Variants in HDAC4 observed in about 807,000 individuals in gnomAD.
HDAC4 encodes the protein histone deacetylase 4, also known as histone deacetylase A.
In HDAC4, 16 loss-of-function variants were observed where a neutral mutation model predicts 135.1. The ratio of observed to expected loss-of-function variants is 0.12; its 90% CI spans 0.08 to 0.18. The LOEUF is 0.18. Among genes scored for constraint, HDAC4 ranks in the 10% least tolerant of loss-of-function variants. HDAC4 has a pLI of 1.00. For missense variants in HDAC4, 1,143 were observed against 1,511.8 expected, an observed-to-expected ratio of 0.76 and a Z score of 4.05; for synonymous variants, 685 against 653.4, an observed-to-expected ratio of 1.05 and a Z score of -0.74.
Position 239,173,545 on chromosome 2 carries a change from T to C in HDAC4, c.490+2868A>G, listed in dbSNP as rs535213974. 3.3e-5 allele frequency among the ~76,000 whole-genome samples: 5 copies of C among 152,074 alleles called. No individual in the cohort carries two copies. The East Asian group carries it at 9.7e-4, about 29-fold the overall frequency. On this transcript the variant is annotated intron_variant, in intron 5 of 26. Transcript: ENST00000543185. ...CACCTGTCAAAAACAAGTAGACAAA[T>C]GAGTAAAAAATACAAAGCCCCTACA...
chr2:239,200,896 G>A (rs2045715849), intron 3 of HDAC4, among the ~76,000 whole-genome samples: 1 of 152,166 alleles, frequency 6.6e-6, no homozygotes, highest in South Asian at 2.1e-4. Flanking sequence ...TAGAAAAGAA[G>A]GGAGGTGGAG....
At chr2:239,165,437 G>C (rs527704733) in intron 5 of HDAC4, among the ~76,000 whole-genome samples, 27 of 152,302 alleles carry the variant, frequency 1.8e-4, no homozygotes, top group African/African-American at 6.5e-4. Context: ...CTTGGCTTAT[G>C]TGTTCTTAGA....
At chr2:239,151,265 T>C (rs536413461) in intron 7 of HDAC4, among the ~76,000 whole-genome samples, 22 of 152,262 alleles carry the variant, frequency 1.4e-4, no homozygotes, top group African/African-American at 3.1e-4. Context: ...GAAAGAACCA[T>C]GAAGCCATGA....
rs756722332 is a variant in HDAC4, at chr2:239,276,123, C to T, written c.23-39459G>A. Among the ~76,000 whole-genome samples, 8 of 152,176 alleles carry T rather than the reference C, an allele frequency of 5.3e-5. 1 individual carries two copies. The South Asian group carries it at 1.0e-3, about 20-fold the overall frequency. ...GAGGACTGCGCAGGGACCTGACTCACGGCAGACACCGACCCCCACGCCAGC... is the reference window on the plus strand; with the variant it reads ...GAGGACTGCGCAGGGACCTGACTCATGGCAGACACCGACCCCCACGCCAGC... On this transcript the variant is annotated intron_variant, in intron 2 of 26. Coordinates refer to ENST00000543185, the MANE Select transcript of HDAC4 (RefSeq NM_001378414.1).
intron 2 of HDAC4, among the ~76,000 whole-genome samples, chr2:239,295,238 C>T (rs976941447): frequency 9.7e-5 from 12 of 123,582 alleles, no homozygotes; most frequent in South Asian, 2.8e-4. Flanking sequence ...ACCCGGGAGG[C>T]GGAGCTTGCA....
intron 12 of HDAC4, among the ~76,000 whole-genome samples, chr2:239,122,631 G>A (rs993667936): frequency 6.6e-6 from 1 of 152,200 alleles, no homozygotes; most frequent in Admixed American, 6.5e-5. Flanking sequence ...GCTCGGGGTC[G>A]ATCCTGTCCA....
intron 12 of HDAC4, among the ~76,000 whole-genome samples, chr2:239,120,905 G>T (rs1559468348): frequency 6.6e-6 from 1 of 152,030 alleles, no homozygotes; most frequent in Non-Finnish European, 1.5e-5. Context: ...GAGGAAAAGG[G>T]TTTGTCTGTT....
intron 17 of HDAC4, chr2:239,091,239 CT>C (rs1196338601): frequency 6.6e-6 from 1 of 152,282 alleles, no homozygotes; most frequent in African/African-American, 2.4e-5. Context: ...GAGCAGTCTC[CT>C]ATGGGAGTCT....
rs1213975379 is a variant in HDAC4, at chr2:239,115,656, G to C, written c.1534-346C>G. 3.9e-5 allele frequency among the ~76,000 whole-genome samples: 6 copies of C among 152,026 alleles called. No individual in the cohort carries two copies. The highest frequency in any genetic ancestry group is 3.3e-4 in the Admixed American group (5 of 15,274). On this transcript the variant is annotated intron_variant, in intron 12 of 26. Transcript: ENST00000543185. The surrounding 1 kb of genome is among the most constrained non-coding windows in gnomAD (Gnocchi z 6.3). ...GTGTCAACAGAGTCTGCAGAGGAGA[G>C]CTTGAGTGTGAAGGGGAGAGGCCAA...
At chr2:239,397,261 G>A (rs550384746) in intron 1 of HDAC4, among the ~76,000 whole-genome samples, 3 of 152,340 alleles carry the variant, frequency 2.0e-5, no homozygotes, top group African/African-American at 7.2e-5. Context: ...GGTGGCACAT[G>A]GTCCATTTCA....
intron 2 of HDAC4, among the ~76,000 whole-genome samples, chr2:239,267,218 G>A (rs1289993967): frequency 2.6e-5 from 4 of 152,162 alleles, no homozygotes; most frequent in African/African-American, 4.8e-5. Flanking sequence ...GGCAGTGCCC[G>A]GCCCACAGAA....
At chr2:239,282,818 C>T (rs1477951937) in intron 2 of HDAC4, among the ~76,000 whole-genome samples, 2 of 151,354 alleles carry the variant, frequency 1.3e-5, no homozygotes, top group African/African-American at 4.9e-5. Context: ...ACTCTACACA[C>T]AATGTACACA....
At chr2:239,180,765 CCA>C (rs1366698826) in intron 4 of HDAC4, among the ~76,000 whole-genome samples, 3 of 152,230 alleles carry the variant, frequency 2.0e-5, no homozygotes, top group African/African-American at 7.2e-5. Context: ...CCGCTGCCCC[CCA>C]TGGCCCACCC....
At chr2:239,277,720 A>G (rs951698239) in intron 2 of HDAC4, among the ~76,000 whole-genome samples, 2 of 152,184 alleles carry the variant, frequency 1.3e-5, no homozygotes, top group Admixed American at 1.3e-4. Context: ...TGCTTTGGAA[A>G]GACACTTCCA....
chr2:239,163,267 G>A (rs1413807964), intron 6 of HDAC4, among the ~76,000 whole-genome samples: 1 of 152,170 alleles, frequency 6.6e-6, no homozygotes, highest in Non-Finnish European at 1.5e-5. Flanking sequence ...AGGTGGGAGC[G>A]CTGTCGGAGC....
rs1437437850 is a variant in HDAC4, at chr2:239,307,310, G to T, written c.22+45368C>A. 6.6e-6 allele frequency among the ~76,000 whole-genome samples: 1 copy of T among 152,180 alleles called. No homozygotes were observed. Among genetic ancestry groups the T allele is most frequent in the Non-Finnish European group, 1.5e-5 (1 of 68,042 alleles). On this transcript the variant is annotated intron_variant, in intron 2 of 26. Coordinates refer to ENST00000543185, the MANE Select transcript of HDAC4 (RefSeq NM_001378414.1). The surrounding 1 kb of genome is among the most constrained non-coding windows in gnomAD (Gnocchi z 4.8). ...GGGCTACTTTCAGAAACAAGAGGGT[G>T]TTCTGTTTAGAAGCAGAGAGCCGAG...
At chr2:239,096,479 G>A (rs1416199960) in intron 16 of HDAC4, among the ~76,000 whole-genome samples, 1 of 107,816 alleles carries the variant, frequency 9.3e-6, no homozygotes, top group Non-Finnish European at 1.9e-5. Flanking sequence ...CCCCATGGAT[G>A]CCCGCCCCCC....
chr2:239,389,107 CTGTAAAAA>C, intron 1 of HDAC4, among the ~76,000 whole-genome samples: 1 of 152,164 alleles, frequency 6.6e-6, no homozygotes, highest in Non-Finnish European at 1.5e-5. Context: ...AATCAGCACT[CTGTAAAAA>C]TGCACCAATC....
At chr2:239,134,786 T>C in intron 9 of HDAC4, 143 bp from the exon 10 acceptor site, 1 of 715,996 alleles carries the variant, frequency 1.4e-6, no homozygotes. Flanking sequence ...GAGACAGCAA[T>C]GAGAGCATGA....
Sources: allele counts gnomAD v4.1 joint callset (sites outside exome capture counted in the v4.1 genomes callset), GRCh38; gene constraint gnomAD v4.1.1; non-coding constraint Gnocchi (gnomAD v3.1); transcripts MANE v1.5; gene names NCBI Gene and HGNC (gene_info 2026-07-23, HGNC 2026-07-21).